The following STK32C variants were observed in gnomAD, a reference collection of about 807,000 sequenced individuals.
STK32C encodes serine/threonine-protein kinase 32C.
STK32C carries 31 observed loss-of-function variants against 56.5 expected under a neutral mutation model. The observed-to-expected ratio is 0.55, with a 90% CI of 0.41 to 0.74. STK32C has a LOEUF of 0.74. Ranked by LOEUF, STK32C falls within the 30% of genes least tolerant of loss-of-function variation. The pLI is 0.00. For synonymous variants in STK32C, 309 were observed against 289.4 expected, an observed-to-expected ratio of 1.07 and a Z score of -0.69; for missense variants, 544 against 676.9, an observed-to-expected ratio of 0.80 and a Z score of 2.18.
intron 2 of STK32C, among the ~76,000 whole-genome samples, chr10:132,231,991 T>C (rs2063117858): frequency 6.6e-6 from 1 of 152,246 alleles, no homozygotes; most frequent in South Asian, 2.1e-4. Flanking sequence ...GCTACGGAAC[T>C]TGGTTGTGGC....
intron 1 of STK32C, among the ~76,000 whole-genome samples, chr10:132,315,273 C>T (rs934210473): frequency 6.6e-6 from 1 of 151,776 alleles, no homozygotes; most frequent in Admixed American, 6.6e-5. Flanking sequence ...ACAATGAGAA[C>T]ACATGGACAC....
intron 2 of STK32C, among the ~76,000 whole-genome samples, chr10:132,245,266 G>A (rs2063646059): frequency 6.6e-6 from 1 of 152,222 alleles, no homozygotes; most frequent in Non-Finnish European, 1.5e-5. Flanking sequence ...TGTCCATTCA[G>A]AAGTGATTCA....
chr10:132,272,927 G>A (rs2064874380), intron 1 of STK32C, among the ~76,000 whole-genome samples: 1 of 152,134 alleles, frequency 6.6e-6, no homozygotes, highest in Non-Finnish European at 1.5e-5. Flanking sequence ...AAGCAGCCCA[G>A]TGAGCCCACC....
chr10:132,314,067 AGCCAGCCATAAGCCCTCG>A (rs1171864894), intron 1 of STK32C, among the ~76,000 whole-genome samples: 4 of 152,238 alleles, frequency 2.6e-5, no homozygotes, highest in African/African-American at 4.8e-5. Flanking sequence ...GTCAGAACTC[AGCCAGCCATAAGCCCTCG>A]GCCAGCACCG....
rs1341177340 is a variant in STK32C, at chr10:132,253,544, T to C, written c.263-7589A>G. 1.5e-4 allele frequency among the ~76,000 whole-genome samples: 11 copies of C among 71,372 alleles called. No homozygotes were observed. In the East Asian group the frequency reaches 3.5e-3, roughly 22 times the overall value. 46.8% of individuals were successfully genotyped at this position (71,372 alleles called of 152,430 possible). On this transcript the variant is annotated intron_variant, in intron 1 of 11. Transcript: ENST00000298630. ...GGGAGCCGGAGGGAGCTGGAGGGAGTCGAGGGAGCTGGAGGGAGTCGAGGG... is the reference window on the plus strand; with the variant it reads ...GGGAGCCGGAGGGAGCTGGAGGGAGCCGAGGGAGCTGGAGGGAGTCGAGGG...
intron 1 of STK32C, among the ~76,000 whole-genome samples, chr10:132,284,440 AGGGCAGGTGAG>A (rs1564777141): frequency 1.6e-5 from 1 of 62,198 alleles, no homozygotes; most frequent in African/African-American, 8.0e-5. Context: ...TGAGGTTGGG[AGGGCAGGTGAG>A]GTTGGGAGGG....
At chr10:132,245,859 C>T (rs772954144) in intron 2 of STK32C, 41 bp downstream of exon 2, 5 of 1,597,834 alleles carry the variant, frequency 3.1e-6, no homozygotes, top group East Asian at 4.5e-5. Flanking sequence ...GGTTCTGCCC[C>T]TGCCCCCTCA....
chr10:132,208,546 ACCT>A (rs2137544931), intron 11 of STK32C, among the ~76,000 whole-genome samples: 1 of 151,902 alleles, frequency 6.6e-6, no homozygotes, highest in South Asian at 2.1e-4. Context: ...GCTCAGACCC[ACCT>A]CCTCCAGGAG....
At chr10:132,306,250 G>C (rs2066055924) in intron 1 of STK32C, among the ~76,000 whole-genome samples, 1 of 152,374 alleles carries the variant, frequency 6.6e-6, no homozygotes, top group South Asian at 2.1e-4. Context: ...GCGTTTCTCA[G>C]ACGTTCTCTC....
intron 10 of STK32C, among the ~76,000 whole-genome samples, chr10:132,216,955 C>A (rs2137614805): frequency 6.6e-6 from 1 of 152,220 alleles, no homozygotes; most frequent in East Asian, 1.9e-4. Context: ...TAGGGCAATG[C>A]AGAAGGGAAA....
At chr10:132,267,433 G>C (rs1190490829) in intron 1 of STK32C, among the ~76,000 whole-genome samples, 1 of 152,216 alleles carries the variant, frequency 6.6e-6, no homozygotes, top group African/African-American at 2.4e-5. Context: ...TTCTGTGCAT[G>C]TGTGTCAGTG....
chr10:132,256,247 C>T (rs1036086326), intron 1 of STK32C, among the ~76,000 whole-genome samples: 1 of 152,160 alleles, frequency 6.6e-6, no homozygotes, highest in African/African-American at 2.4e-5. Flanking sequence ...CAGGTACACA[C>T]CCAGAGCCCG....
chr10:132,208,355 C>T (rs1466634368), intron 11 of STK32C, among the ~76,000 whole-genome samples: 2 of 152,170 alleles, frequency 1.3e-5, no homozygotes, highest in African/African-American at 2.4e-5. Flanking sequence ...AGCATGCTGG[C>T]GAGGCTCGGC....
chr10:132,301,932 A>G (rs1162732747), intron 1 of STK32C, among the ~76,000 whole-genome samples: 1 of 152,202 alleles, frequency 6.6e-6, no homozygotes, highest in Non-Finnish European at 1.5e-5. Flanking sequence ...TGCACCGGCT[A>G]TATACTCACT....
chr10:132,247,746 C>A (rs1033846949), intron 1 of STK32C, among the ~76,000 whole-genome samples: 1 of 152,054 alleles, frequency 6.6e-6, no homozygotes. Flanking sequence ...CTGCACAAGA[C>A]GGTAGTGGGG....
At chr10:132,237,057 C>T (rs891864058) in intron 2 of STK32C, among the ~76,000 whole-genome samples, 4 of 152,262 alleles carry the variant, frequency 2.6e-5, no homozygotes, top group Admixed American at 1.3e-4. Context: ...GGGACCCACA[C>T]GGGTGGATGG....
At chr10:132,319,531 G>A (rs1170608733), downstream of STK32C, among the ~76,000 whole-genome samples, 5 of 152,160 alleles carry the variant, frequency 3.3e-5, no homozygotes, top group African/African-American at 7.2e-5. Flanking sequence ...TCTACTACAC[G>A]GATGGACCTC....
intron 2 of STK32C, among the ~76,000 whole-genome samples, chr10:132,230,979 G>C (rs906959351): frequency 6.6e-6 from 1 of 152,180 alleles, no homozygotes; most frequent in Non-Finnish European, 1.5e-5. Context: ...TCTGGGCCCT[G>C]TCACATGTGC....
At chr10:132,331,451 C>G in exon 1 of STK32C, 2 of 1,611,130 alleles carry the variant, frequency 1.2e-6, no homozygotes, top group Non-Finnish European at 1.7e-6. Flanking sequence ...TTCCTCGCCC[C>G]CCTCACTCCT....
Sources: allele counts gnomAD v4.1 joint callset (sites outside exome capture counted in the v4.1 genomes callset), GRCh38; gene constraint gnomAD v4.1.1; transcripts MANE v1.5; gene names NCBI Gene and HGNC (gene_info 2026-07-23, HGNC 2026-07-21).